The following JAK1 variants were observed in gnomAD, a reference collection of about 807,000 sequenced individuals.
JAK1 encodes tyrosine-protein kinase JAK1.
JAK1 carries 16 observed loss-of-function variants against 136.6 expected under a neutral mutation model. The ratio of observed to expected loss-of-function variants is 0.12; its 90% CI spans 0.08 to 0.18. The LOEUF (loss-of-function observed/expected upper bound fraction) is 0.18, where lower values mean the gene tolerates loss of function less well. Among genes scored for constraint, JAK1 ranks in the 10% least tolerant of loss-of-function variants. The pLI, the probability that JAK1 is intolerant of heterozygous loss-of-function variation, is 1.00. For missense variants in JAK1, 859 were observed against 1,450.1 expected (o/e 0.59, Z 6.62); for synonymous variants, 492 against 519.5 (o/e 0.95, Z 0.72).
chr1:65,014,854 T>G (rs1377880812), intron 2 of JAK1, among the ~76,000 whole-genome samples: 1 of 151,986 alleles, frequency 6.6e-6, no homozygotes, highest in Non-Finnish European at 1.5e-5. Context: ...CCGGCTAATT[T>G]TTTTGTACTT....
chr1:64,846,970 G>A (rs905956471), intron 13 of JAK1: 2 of 555,964 alleles, frequency 3.6e-6, no homozygotes, highest in Non-Finnish European at 6.4e-6. Context: ...AGGATGCAGA[G>A]CAGGGCTGGT....
At chr1:64,922,100 C>T (rs935243713) in intron 1 of JAK1, among the ~76,000 whole-genome samples, 3 of 151,910 alleles carry the variant, frequency 2.0e-5, no homozygotes, top group Admixed American at 6.6e-5. Flanking sequence ...CAAAAATTCC[C>T]TAAGCAGCCC....
At chr1:64,837,826 A>G in intron 22 of JAK1, 106 bp downstream of exon 22, 1 of 892,716 alleles carries the variant, frequency 1.1e-6, no homozygotes. Flanking sequence ...TCTAACCTTG[A>G]GTCAGGCCAG....
At chr1:65,015,652 A>T (rs527649978) in intron 2 of JAK1, among the ~76,000 whole-genome samples, 1 of 152,338 alleles carries the variant, frequency 6.6e-6, no homozygotes, top group South Asian at 2.1e-4. Flanking sequence ...CTCGGACTGG[A>T]GAAAACTTAT....
intron 2 of JAK1, chr1:64,990,165 G>A (rs545768813): frequency 6.6e-6 from 1 of 152,126 alleles, no homozygotes; most frequent in Admixed American, 6.5e-5. Flanking sequence ...AAATTTAGCT[G>A]GGTGTGGTGG....
At chr1:64,992,868 G>T (rs1283309478) in intron 2 of JAK1, 1 of 135,738 alleles carries the variant, frequency 7.4e-6, no homozygotes, top group Admixed American at 8.5e-5. Context: ...CAGCCTGGGC[G>T]ACAGAGCGAG....
Position 64,988,595 on chromosome 1 carries a change from A to T in JAK1, c.-78+55885T>A, listed in dbSNP as rs554640172. On this transcript the variant is annotated intron_variant, in intron 2 of 25. Coordinates refer to the JAK1 transcript ENST00000671954. ...GATGCTGAATTAAGAAAAATAAAAA[A>T]TGGGCCAGTTGCAGTGGTGGCTCAT... Among the ~76,000 whole-genome samples, 88 of 152,288 alleles carry T rather than the reference A, an allele frequency of 5.8e-4. No individual in the cohort carries two copies. In the South Asian group the frequency reaches 0.011, roughly 19 times the overall value.
intron 1 of JAK1, among the ~76,000 whole-genome samples, chr1:64,943,009 T>G (rs187651001): frequency 6.6e-6 from 1 of 152,314 alleles, no homozygotes; most frequent in Admixed American, 6.5e-5. Flanking sequence ...GATAAATAAT[T>G]AAAACAGGCC....
chr1:64,894,716 G>T (rs1382138909), intron 1 of JAK1, among the ~76,000 whole-genome samples: 2 of 152,132 alleles, frequency 1.3e-5, no homozygotes, highest in African/African-American at 4.8e-5. Context: ...GGCAGAGGGT[G>T]CAGAGAGCAA....
At chr1:64,936,907 G>A (rs1645799348) in intron 1 of JAK1, among the ~76,000 whole-genome samples, 2 of 151,748 alleles carry the variant, frequency 1.3e-5, no homozygotes, top group African/African-American at 4.8e-5. Flanking sequence ...CCATTTTTAT[G>A]TACAAAAATG....
chr1:64,855,044 G>A (rs1267487126), intron 11 of JAK1, among the ~76,000 whole-genome samples: 1 of 152,206 alleles, frequency 6.6e-6, no homozygotes, highest in Non-Finnish European at 1.5e-5. Context: ...ATCACAAACT[G>A]CAGTGGCCTC....
At chr1:64,935,103 C>A (rs1312263800) in intron 1 of JAK1, among the ~76,000 whole-genome samples, 1 of 152,174 alleles carries the variant, frequency 6.6e-6, no homozygotes, top group Non-Finnish European at 1.5e-5. Flanking sequence ...GCCATGGGAA[C>A]AAGAACGCAG....
chr1:64,892,325 C>T (rs980631658), intron 1 of JAK1, among the ~76,000 whole-genome samples: 11 of 152,052 alleles, frequency 7.2e-5, no homozygotes, highest in African/African-American at 2.4e-4. Flanking sequence ...CTGTCACCCA[C>T]GCTGGAATAT....
intron 1 of JAK1, among the ~76,000 whole-genome samples, chr1:65,050,165 T>C (rs768687734): frequency 3.3e-5 from 5 of 152,192 alleles, no homozygotes; most frequent in Non-Finnish European, 7.3e-5. Flanking sequence ...GTACACTAGT[T>C]TTCTACTGTG....
intron 2 of JAK1, chr1:64,991,219 T>C (rs190678270): frequency 1.3e-5 from 2 of 151,412 alleles, no homozygotes; most frequent in East Asian, 3.9e-4. Context: ...ACTAGAGGGG[T>C]TTGTATTAGT....
intron 2 of JAK1, among the ~76,000 whole-genome samples, chr1:65,042,734 T>C (rs1018660441): frequency 2.6e-5 from 4 of 152,208 alleles, no homozygotes; most frequent in Admixed American, 1.3e-4. Flanking sequence ...AAATAACTTC[T>C]GTTCTTGGTC....
At chr1:65,040,634 TCA>T (rs77739605) in intron 2 of JAK1, among the ~76,000 whole-genome samples, 33,280 of 151,710 alleles carry the variant, frequency 0.22, 4,738 homozygotes, top group East Asian at 0.43. Context: ...TACTCAGCCC[TCA>T]CATACACACA....
intron 1 of JAK1, among the ~76,000 whole-genome samples, chr1:64,903,183 C>A (rs530898691): frequency 1.3e-5 from 2 of 152,238 alleles, no homozygotes; most frequent in East Asian, 1.9e-4. Context: ...TGCACCACCA[C>A]GCCTGGTTAA....
At chr1:64,960,816 T>TG (rs1472692610) in intron 1 of JAK1, among the ~76,000 whole-genome samples, 1 of 152,228 alleles carries the variant, frequency 6.6e-6, no homozygotes, top group Non-Finnish European at 1.5e-5. Flanking sequence ...GCTAGAGATG[T>TG]GAACTTTCAC....
Sources: gnomAD v4.1 joint callset for allele counts (sites outside exome capture counted in the v4.1 genomes callset) on GRCh38, gnomAD v4.1.1 for gene constraint, MANE v1.5 for transcripts, NCBI Gene and HGNC (gene_info 2026-07-23, HGNC 2026-07-21) for gene names.